The following NXN variants were observed in gnomAD, a reference collection of about 807,000 sequenced individuals.
NXN encodes nucleoredoxin 1.
NXN carries 16 observed loss-of-function variants against 48.6 expected under a neutral mutation model. That is an observed-to-expected ratio of 0.33 (90% CI 0.22 to 0.50). NXN has a LOEUF of 0.50. NXN is among the 20% of genes least tolerant of loss of function. The pLI is 0.98. For synonymous variants in NXN, 281 were observed against 269.6 expected, an observed-to-expected ratio of 1.04 and a Z score of -0.41; for missense variants, 492 against 605.5, an observed-to-expected ratio of 0.81 and a Z score of 1.97.
chr17:854,376 C>CG (rs534494647), intron 1 of NXN, among the ~76,000 whole-genome samples: 43 of 152,140 alleles, frequency 2.8e-4, no homozygotes, highest in African/African-American at 1.0e-3. Flanking sequence ...CAGCCGGGAG[C>CG]GGTGGCTCAC....
At chr17:882,550 CCGCCTCCCGGGTTCA>C (rs1214964879) in intron 1 of NXN, among the ~76,000 whole-genome samples, 1 of 151,998 alleles carries the variant, frequency 6.6e-6, no homozygotes, top group East Asian at 1.9e-4. Flanking sequence ...ACTGCAAGCT[CCGCCTCCCGGGTTCA>C]CGCCATTCTC....
intron 1 of NXN, among the ~76,000 whole-genome samples, chr17:959,625 T>C (rs537365046): frequency 3.2e-4 from 49 of 151,236 alleles, no homozygotes; most frequent in African/African-American, 1.1e-3. Flanking sequence ...GGTGAACCCC[T>C]TTCTACTAAA....
At chr17:837,810 C>A (rs1401371861) in intron 1 of NXN, among the ~76,000 whole-genome samples, 1 of 152,196 alleles carries the variant, frequency 6.6e-6, no homozygotes. Context: ...CCAGGCTGAT[C>A]CGAGCCGTCA....
intron 1 of NXN, among the ~76,000 whole-genome samples, chr17:952,174 TGGGGGGGC>T (rs2069119975): frequency 1.0e-5 from 1 of 96,524 alleles, no homozygotes; most frequent in Non-Finnish European, 2.4e-5. Flanking sequence ...GGTCACACTG[TGGGGGGGC>T]TGGGGTCAGA....
chr17:927,592 A>AT (rs2068813903), intron 1 of NXN, among the ~76,000 whole-genome samples: 1 of 143,850 alleles, frequency 7.0e-6, no homozygotes, highest in Non-Finnish European at 1.5e-5. Context: ...AAAAAAAAAA[A>AT]AAAAAAAGCA....
intron 1 of NXN, among the ~76,000 whole-genome samples, chr17:965,218 T>C (rs1225742387): frequency 6.6e-6 from 1 of 152,178 alleles, no homozygotes; most frequent in Admixed American, 6.6e-5. Context: ...TAAGCTCACT[T>C]AACCGTCATC....
intron 5 of NXN, among the ~76,000 whole-genome samples, chr17:810,684 G>A (rs564746782): frequency 6.6e-6 from 1 of 152,312 alleles, no homozygotes; most frequent in African/African-American, 2.4e-5. Context: ...GAGGTCAGGA[G>A]GTGGAGACCA....
chr17:840,580 CCGCCCGCCTGGG>C (rs1914106137), intron 1 of NXN, among the ~76,000 whole-genome samples: 1 of 152,182 alleles, frequency 6.6e-6, no homozygotes, highest in Non-Finnish European at 1.5e-5. Flanking sequence ...ACCTCGTGAT[CCGCCCGCCTGGG>C]CCTCCCAAAG....
chr17:835,605 C>T (rs1913768312), intron 1 of NXN, among the ~76,000 whole-genome samples: 1 of 152,128 alleles, frequency 6.6e-6, no homozygotes, highest in African/African-American at 2.4e-5. Context: ...ACCAACAAAA[C>T]AATGAAACAC....
At chr17:850,666 AG>A (rs1444425854) in intron 1 of NXN, among the ~76,000 whole-genome samples, 22 of 152,224 alleles carry the variant, frequency 1.4e-4, no homozygotes, top group African/African-American at 4.6e-4. Flanking sequence ...CTGAGTCAGG[AG>A]GGACGAAGGC....
chr17:946,968 C>T (rs1567514222), intron 1 of NXN, among the ~76,000 whole-genome samples: 2 of 152,192 alleles, frequency 1.3e-5, no homozygotes, highest in Non-Finnish European at 2.9e-5. Flanking sequence ...GGTTCAGCCA[C>T]GTATCAGCAG....
At chr17:819,387 C>A (rs575629341) in intron 5 of NXN, 52 bp downstream of exon 5, 6 of 1,283,588 alleles carry the variant, frequency 4.7e-6, no homozygotes, top group Admixed American at 3.4e-5. Flanking sequence ...ACGGTGAGCT[C>A]AGGTGAGCAG....
chr17:967,151 C>T (rs1438936926), intron 1 of NXN, among the ~76,000 whole-genome samples: 1 of 152,038 alleles, frequency 6.6e-6, no homozygotes, highest in East Asian at 1.9e-4. Flanking sequence ...TGGCTTGGGA[C>T]CCCAGCCTCC....
intron 1 of NXN, among the ~76,000 whole-genome samples, chr17:896,574 G>C (rs1026589956): frequency 6.6e-6 from 1 of 152,196 alleles, no homozygotes; most frequent in African/African-American, 2.4e-5. Context: ...CTCGCACACC[G>C]TATAAACTTA....
chr17:844,256 C>CG (rs1210491132), intron 1 of NXN, among the ~76,000 whole-genome samples: 20 of 150,952 alleles, frequency 1.3e-4, no homozygotes, highest in African/African-American at 4.2e-4. Flanking sequence ...TCCTACGTCC[C>CG]GTCCCACCCA....
chr17:823,977 T>C (rs2097608016), intron 2 of NXN, among the ~76,000 whole-genome samples: 1 of 151,466 alleles, frequency 6.6e-6, no homozygotes, highest in African/African-American at 2.4e-5. Flanking sequence ...AGCCATTCCC[T>C]GCCCTCCTGG....
intron 1 of NXN, among the ~76,000 whole-genome samples, chr17:888,832 G>A (rs926611086): frequency 6.6e-6 from 1 of 151,938 alleles, no homozygotes; most frequent in African/African-American, 2.4e-5. Flanking sequence ...GTGGGCACCT[G>A]TAATCCCAGC....
chr17:921,583 G>A (rs1054537911), intron 1 of NXN, among the ~76,000 whole-genome samples: 6 of 152,106 alleles, frequency 3.9e-5, no homozygotes, highest in Admixed American at 2.6e-4. Flanking sequence ...CCGAAGATGA[G>A]TCCATCTGCT....
intron 1 of NXN, among the ~76,000 whole-genome samples, chr17:961,605 T>A (rs1401070196): frequency 3.9e-5 from 6 of 152,238 alleles, no homozygotes; most frequent in Non-Finnish European, 7.3e-5. Flanking sequence ...CATTTATGAC[T>A]AATTCAGATC....
Sources: gnomAD v4.1 joint callset for allele counts (sites outside exome capture counted in the v4.1 genomes callset) on GRCh38, gnomAD v4.1.1 for gene constraint, MANE v1.5 for transcripts, NCBI Gene and HGNC (gene_info 2026-07-23, HGNC 2026-07-21) for gene names.